Variants in ANKH observed in about 807,000 individuals in gnomAD.
ANKH encodes the protein ANKH inorganic pyrophosphate transport regulator.
Under a neutral mutation model 49.0 loss-of-function variants are expected in ANKH, and 15 were observed. The observed-to-expected ratio is 0.31, with a 90% CI of 0.20 to 0.47. The LOEUF (loss-of-function observed/expected upper bound fraction) is 0.47, where lower values mean the gene tolerates loss of function less well. Among genes scored for constraint, ANKH ranks in the 20% least tolerant of loss-of-function variants. ANKH has a pLI of 1.00. For synonymous variants in ANKH, 273 were observed against 260.0 expected (o/e 1.05, Z -0.48); for missense variants, 429 against 652.0 (o/e 0.66, Z 3.72).
chr5:14,724,980 G>A (rs1737781016), intron 8 of ANKH, among the ~76,000 whole-genome samples: 1 of 152,134 alleles, frequency 6.6e-6, no homozygotes, highest in East Asian at 1.9e-4. Flanking sequence ...TCAAACATAT[G>A]CAGCTGTTTT....
chr5:14,832,419 C>G (rs1741531374), intron 1 of ANKH, among the ~76,000 whole-genome samples: 1 of 152,240 alleles, frequency 6.6e-6, no homozygotes, highest in South Asian at 2.1e-4. Flanking sequence ...TATAAACAAG[C>G]AGCATCCTTT....
chr5:14,751,396 C>T lies in ANKH; in HGVS notation c.517-157G>A, dbSNP rs576320415. ...AAAATTGGATGATGACCCAATGTCG[C>T]TCTCATGTAATTCATGTGCAGATGT... On this transcript the variant is annotated intron_variant, in intron 4 of 11. Transcript: ENST00000284268. Among the ~76,000 whole-genome samples the T allele has an allele frequency of 7.9e-5, 12 of 152,338 alleles. 1 individual carries two copies. The East Asian group carries it at 2.3e-3, about 29-fold the overall frequency.
rs1300201138 is a variant in ANKH, at chr5:14,745,354, C to A, written c.915+516G>T. Among the ~76,000 whole-genome samples the A allele has an allele frequency of 1.3e-5, 2 of 152,180 alleles. No individual in the cohort carries two copies. The highest frequency in any genetic ancestry group is 2.9e-5 in the Non-Finnish European group (2 of 68,028). Reference sequence around the variant, plus strand: ...TATGTGACTCCCATGGCTGGGGAGACAGAGCAGCTGTCAACAGGCTTTCCA... The same window carrying A: ...TATGTGACTCCCATGGCTGGGGAGAAAGAGCAGCTGTCAACAGGCTTTCCA... On this transcript the variant is annotated intron_variant, in intron 7 of 11. Transcript: ENST00000284268. This position sits in a 1 kb window ranked among gnomAD's most constrained non-coding sequence, Gnocchi z 4.7.
chr5:14,763,806 A>T (rs1474565200), intron 2 of ANKH, among the ~76,000 whole-genome samples: 1 of 152,166 alleles, frequency 6.6e-6, no homozygotes, highest in East Asian at 1.9e-4. Flanking sequence ...AGTGACTGGG[A>T]GGCTGGGCAC....
intron 1 of ANKH, among the ~76,000 whole-genome samples, chr5:14,832,467 C>T (rs879822191): frequency 2.2e-4 from 34 of 152,160 alleles, no homozygotes; most frequent in African/African-American, 7.7e-4. Context: ...TATTAAATTG[C>T]TAGTTCATGG....
chr5:14,757,989 C>T (rs913206642), intron 3 of ANKH, among the ~76,000 whole-genome samples: 1 of 152,176 alleles, frequency 6.6e-6, no homozygotes, highest in Non-Finnish European at 1.5e-5. Context: ...TTCATAGCAG[C>T]GTTAGTCACA....
Position 14,737,775 on chromosome 5 carries a change from C to T in ANKH, c.1011+4052G>A, listed in dbSNP as rs577142690. On this transcript the variant is annotated intron_variant, in intron 8 of 11. Coordinates refer to ENST00000284268, the MANE Select transcript of ANKH (RefSeq NM_054027.6). The surrounding 1 kb of genome is among the most constrained non-coding windows in gnomAD (Gnocchi z 5.0). The stretch of plus-strand genomic sequence containing the variant: ...ACAGCTGCTTGTCAGTCAGCAGGCG[C>T]CTTGCTAACCTGGGTTTGCACTGTG... Among the ~76,000 whole-genome samples the T allele has an allele frequency of 1.6e-4, 24 of 152,364 alleles. No individual in the cohort carries two copies. In the East Asian group the frequency reaches 4.6e-3, roughly 29 times the overall value.
chr5:14,828,579 T>C (rs13175317), intron 1 of ANKH, among the ~76,000 whole-genome samples: 53,334 of 151,938 alleles, frequency 0.35, 9,412 homozygotes, highest in Admixed American at 0.4. Context: ...TCTTTTCTTT[T>C]CTTTCTTCTT....
chr5:14,865,356 A>T (rs1226151343), intron 1 of ANKH, among the ~76,000 whole-genome samples: 1 of 152,198 alleles, frequency 6.6e-6, no homozygotes, highest in African/African-American at 2.4e-5. Flanking sequence ...AATTAGAGGC[A>T]TTTTTTCACA....
intron 1 of ANKH, among the ~76,000 whole-genome samples, chr5:14,829,695 C>G (rs370347141): frequency 1.3e-5 from 2 of 152,294 alleles, no homozygotes; most frequent in South Asian, 2.1e-4. Flanking sequence ...AAAACCTCCT[C>G]ACAAAATCAT....
At chr5:14,729,479 G>A (rs1310727965) in intron 8 of ANKH, among the ~76,000 whole-genome samples, 9 of 147,044 alleles carry the variant, frequency 6.1e-5, no homozygotes, top group African/African-American at 2.3e-4. Context: ...GTGCCACCGC[G>A]CCTGACCAAA....
chr5:14,745,737 C>T lies in ANKH; in HGVS notation c.915+133G>A. ...TCTGAGGAAAATATTCCTTCAATGC[C>T]CCCAACGTCACATTAACCTTACAAA... On this transcript the variant is annotated intron_variant, in intron 7 of 11. Coordinates refer to ENST00000284268, the MANE Select transcript of ANKH (RefSeq NM_054027.6). This position sits in a 1 kb window ranked among gnomAD's most constrained non-coding sequence, Gnocchi z 4.7. 4 of 784,114 alleles carry T rather than the reference C, an allele frequency of 5.1e-6. No individual in the cohort carries two copies. The highest frequency in any genetic ancestry group is 8.9e-6 in the Non-Finnish European group (4 of 451,462). The allele number at this position is 784,114 out of a possible 1,614,324, so 48.6% of individuals were successfully genotyped here.
chr5:14,738,192 TAAAC>T (rs1252785663), intron 8 of ANKH, among the ~76,000 whole-genome samples: 1 of 152,038 alleles, frequency 6.6e-6, no homozygotes, highest in Non-Finnish European at 1.5e-5. Context: ...TAATAGGGAA[TAAAC>T]AAACACGTCA....
At chr5:14,790,442 A>G (rs1191732469) in intron 1 of ANKH, among the ~76,000 whole-genome samples, 1 of 152,228 alleles carries the variant, frequency 6.6e-6, no homozygotes, top group African/African-American at 2.4e-5. Context: ...CAAACCACAA[A>G]AAGATTAGAC....
At chr5:14,781,494 T>G (rs1320936693) in intron 1 of ANKH, among the ~76,000 whole-genome samples, 1 of 152,236 alleles carries the variant, frequency 6.6e-6, no homozygotes, top group Non-Finnish European at 1.5e-5. Context: ...TACAACGATG[T>G]TTGGCTAACT....
chr5:14,837,540 C>G (rs1199844326), intron 1 of ANKH, among the ~76,000 whole-genome samples: 1 of 152,112 alleles, frequency 6.6e-6, no homozygotes, highest in African/African-American at 2.4e-5. Flanking sequence ...TCATCACTGG[C>G]CATCAGAGAA....
rs965213550 is a variant in ANKH, at chr5:14,731,977, A to G, written c.1011+9850T>C. Among the ~76,000 whole-genome samples the G allele has an allele frequency of 5.3e-5, 8 of 152,192 alleles. No individual in the cohort carries two copies. The East Asian group carries it at 1.5e-3, about 29-fold the overall frequency. Reference sequence around the variant, plus strand: ...TGAACAGGGGTCATGACGGGTCCCTAGGAAGCATCACGTGTGCCCCACAGG... The same window carrying G: ...TGAACAGGGGTCATGACGGGTCCCTGGGAAGCATCACGTGTGCCCCACAGG... On this transcript the variant is annotated intron_variant, in intron 8 of 11. Coordinates refer to ENST00000284268, the MANE Select transcript of ANKH (RefSeq NM_054027.6).
rs940544449 is a variant in ANKH, at chr5:14,770,072, C to G, written c.97-881G>C. Reference sequence around the variant, plus strand: ...CTTTCTGACTAAAATGCCTCTAGAACATTGCATCTGTCATTAGGAACAGGA... The same window carrying G: ...CTTTCTGACTAAAATGCCTCTAGAAGATTGCATCTGTCATTAGGAACAGGA... On this transcript the variant is annotated intron_variant, in intron 1 of 11. Coordinates refer to ENST00000284268, the MANE Select transcript of ANKH (RefSeq NM_054027.6). The surrounding 1 kb of genome is among the most constrained non-coding windows in gnomAD (Gnocchi z 4.1). Among the ~76,000 whole-genome samples, 15 of 152,164 alleles carry G rather than the reference C, an allele frequency of 9.9e-5. No individual in the cohort carries two copies. The highest frequency in any genetic ancestry group is 3.4e-4 in the African/African-American group (14 of 41,430).
intron 9 of ANKH, among the ~76,000 whole-genome samples, chr5:14,716,375 C>T (rs545222770): frequency 1.5e-4 from 23 of 152,266 alleles, no homozygotes; most frequent in South Asian, 1.0e-3. Context: ...TGCCTGTAGT[C>T]CCAGCTACTT....
Sources: gnomAD v4.1 joint callset for allele counts (sites outside exome capture counted in the v4.1 genomes callset) on GRCh38, gnomAD v4.1.1 for gene constraint, Gnocchi (gnomAD v3.1) non-coding constraint, MANE v1.5 for transcripts, NCBI Gene and HGNC (gene_info 2026-07-23, HGNC 2026-07-21) for gene names.